Variants in DNAH9 observed in about 807,000 individuals in gnomAD.
DNAH9 encodes the protein dynein axonemal heavy chain 9, also known as DNAH9 variant protein.
Under a neutral mutation model 471.6 loss-of-function variants are expected in DNAH9, and 345 were observed. The observed-to-expected ratio is 0.73, with a 90% CI of 0.67 to 0.80. DNAH9 has a LOEUF of 0.80. Among genes scored for constraint, DNAH9 ranks in the 30% least tolerant of loss-of-function variants. The probability of loss-of-function intolerance (pLI) is 0.00; values close to 1 mark genes in which losing one functional copy is unlikely to be tolerated. For missense variants in DNAH9, 5,407 were observed against 5,609.2 expected, an observed-to-expected ratio of 0.96 and a Z score of 1.15; for synonymous variants, 2,093 against 2,123.6, an observed-to-expected ratio of 0.99 and a Z score of 0.40.
At chr17:11,881,897 C>T (rs1056150366) in intron 55 of DNAH9, among the ~76,000 whole-genome samples, 22 of 145,534 alleles carry the variant, frequency 1.5e-4, no homozygotes, top group African/African-American at 3.2e-4. Context: ...GGAAATAGGG[C>T]GAGGTTCTGT....
chr17:11,615,702 TG>T (rs2072727780), intron 4 of DNAH9, among the ~76,000 whole-genome samples: 1 of 152,160 alleles, frequency 6.6e-6, no homozygotes, highest in African/African-American at 2.4e-5. Context: ...TCTCAAGTAT[TG>T]TGCTCTTAAA....
chr17:11,883,441 T>C, intron 55 of DNAH9, 145 bp from the exon 56 acceptor site: 2 of 1,168,212 alleles, frequency 1.7e-6, no homozygotes, highest in Non-Finnish European at 2.4e-6. Flanking sequence ...ACTCCTTGTC[T>C]CCTGCTCATG....
rs545413200 is a variant in DNAH9, at chr17:11,961,887, C to T, written c.12864C>T (p.Ser4288=). The T allele has an allele frequency of 6.2e-7, 1 of 1,610,476 alleles. No individual in the cohort carries two copies. Among genetic ancestry groups the T allele is most frequent in the African/African-American group, 1.3e-5 (1 of 74,972 alleles). ...LGLKGELTMT[S]HMENLQNALY... Reference sequence around the variant, plus strand: ...TTCAGGGGGAGCTGACTATGACCAGCCACATGGAGAACTTACAGAATGCCC... The same window carrying T: ...TTCAGGGGGAGCTGACTATGACCAGTCACATGGAGAACTTACAGAATGCCC... Residue 4288 remains serine (S), a synonymous_variant, in exon 68 of 69, where the codon AGC becomes AGT. Transcript: ENST00000262442.
intron 67 of DNAH9, among the ~76,000 whole-genome samples, chr17:11,952,224 C>G (rs1389003106): frequency 1.4e-5 from 2 of 141,648 alleles, no homozygotes; most frequent in African/African-American, 5.2e-5. Context: ...ACTGCAACCT[C>G]TACCTTCTAG....
intron 42 of DNAH9, among the ~76,000 whole-genome samples, chr17:11,794,347 C>A (rs760660061): frequency 6.6e-6 from 1 of 152,184 alleles, no homozygotes; most frequent in Non-Finnish European, 1.5e-5. Flanking sequence ...CAGGCGTGAG[C>A]CACTGAGCCC....
chr17:11,834,074 ATTTC>A (rs1482606621), intron 48 of DNAH9, among the ~76,000 whole-genome samples: 1 of 152,130 alleles, frequency 6.6e-6, no homozygotes, highest in East Asian at 1.9e-4. Flanking sequence ...CATGCCTGTA[ATTTC>A]AACCCTTTGG....
In DNAH9 at chr17:11,769,336, A is replaced by G; in HGVS notation, c.7552+7A>G. Reference sequence around the variant, plus strand: ...ACGTCAGCAATGCTGCAGGGTAAGCAGCCCAGGGCACCTGGGGTGGGGGGC... The same window carrying G: ...ACGTCAGCAATGCTGCAGGGTAAGCGGCCCAGGGCACCTGGGGTGGGGGGC... On this transcript the variant is annotated splice_region_variant and intron_variant, in intron 38 of 68. Coordinates refer to ENST00000262442, the MANE Select transcript of DNAH9 (RefSeq NM_001372.4). 5 of 1,604,352 alleles carry G rather than the reference A, an allele frequency of 3.1e-6. No homozygotes were observed. The highest frequency in any genetic ancestry group is 4.3e-6 in the Non-Finnish European group (5 of 1,175,694).
In DNAH9 at chr17:11,932,279, C is replaced by T. The variant is rs550773787; in HGVS notation, c.12297+74C>T. ...AATTATTTAATTTTGAGGGGTGAAT[C>T]AGAGGGGTCTAGGATGGGGCCTGAG... On this transcript the variant is annotated intron_variant, in intron 64 of 68. Coordinates refer to ENST00000262442, the MANE Select transcript of DNAH9 (RefSeq NM_001372.4). The surrounding 1 kb of genome is among the most constrained non-coding windows in gnomAD (Gnocchi z 4.3). 1 of 1,480,674 alleles carries T rather than the reference C, an allele frequency of 6.8e-7. No individual in the cohort carries two copies. The highest frequency in any genetic ancestry group is 2.3e-5 in the East Asian group (1 of 43,082). The allele number at this position is 1,480,674 out of a possible 1,614,324, so 91.7% of individuals were successfully genotyped here. A position where few individuals can be genotyped will look rare whatever the true frequency, so the allele number is the denominator to read the frequency against.
At chr17:11,869,059 G>C (rs1972165401) in intron 50 of DNAH9, 75 bp from the exon 51 acceptor site, 2 of 1,550,422 alleles carry the variant, frequency 1.3e-6, no homozygotes, top group Non-Finnish European at 1.8e-6. Flanking sequence ...ACCTCCATGT[G>C]AACCCTCATC....
intron 26 of DNAH9, among the ~76,000 whole-genome samples, chr17:11,707,177 ACCT>A (rs1286942648): frequency 6.6e-6 from 1 of 151,918 alleles, no homozygotes; most frequent in African/African-American, 2.4e-5. Context: ...TGAACATTAA[ACCT>A]CCTCTTCCCC....
chr17:11,626,782 T>C lies in DNAH9; in HGVS notation c.1351-2635T>C, dbSNP rs2072977656. ...TATAATTCTCTTCTCTTGTCTATTTTTTTTCACCAACTGCTCTTCAGATGT... is the reference window on the plus strand; with the variant it reads ...TATAATTCTCTTCTCTTGTCTATTTCTTTTCACCAACTGCTCTTCAGATGT... On this transcript the variant is annotated intron_variant, in intron 6 of 68. Transcript: ENST00000262442. This position sits in a 1 kb window ranked among gnomAD's most constrained non-coding sequence, Gnocchi z 4.3. 6.6e-6 allele frequency among the ~76,000 whole-genome samples: 1 copy of C among 152,178 alleles called. No individual in the cohort carries two copies. Among genetic ancestry groups the C allele is most frequent in the Non-Finnish European group, 1.5e-5 (1 of 68,032 alleles).
chr17:11,642,136 G>A (rs1447193778), intron 10 of DNAH9, among the ~76,000 whole-genome samples: 1 of 152,150 alleles, frequency 6.6e-6, no homozygotes, highest in African/African-American at 2.4e-5. Flanking sequence ...GAAGCAGGAA[G>A]GTTTGGAGGT....
At position 11,962,049 on chromosome 17, in the gene DNAH9, C is replaced by T; in HGVS notation, c.13026C>T (p.Ser4342=). Reference sequence around the variant, plus strand: ...GGACGGGTGACTTTACAATGCCCTCCACTGTGTGGCTGACAGGCTTCTTCA... The same window carrying T: ...GGACGGGTGACTTTACAATGCCCTCTACTGTGTGGCTGACAGGCTTCTTCA... ...EAWTGDFTMP[S]TVWLTGFFNP... is the part of the protein sequence containing the mutation. Residue 4342 remains serine (S), a synonymous_variant, in exon 68 of 69, where the codon TCC becomes TCT. Coordinates refer to ENST00000262442, the MANE Select transcript of DNAH9 (RefSeq NM_001372.4). The surrounding 1 kb of genome is among the most constrained non-coding windows in gnomAD (Gnocchi z 4.1). 1 of 1,614,196 alleles carries T rather than the reference C, an allele frequency of 6.2e-7. No individual in the cohort carries two copies. Among genetic ancestry groups the T allele is most frequent in the Non-Finnish European group, 8.5e-7 (1 of 1,180,046 alleles).
intron 41 of DNAH9, 66 bp downstream of exon 41, chr17:11,784,605 A>T: frequency 1.2e-6 from 2 of 1,605,278 alleles, no homozygotes; most frequent in South Asian, 2.2e-5. Context: ...GATTCTTCAT[A>T]AAAATAAGTA....
Position 11,905,827 on chromosome 17 carries a change from T to G in DNAH9, c.11749+18T>G. On this transcript the variant is annotated intron_variant, in intron 61 of 68. Coordinates refer to ENST00000262442, the MANE Select transcript of DNAH9 (RefSeq NM_001372.4). ...AAGTCAAGGTGAGAAAGGCGTCCTC[T>G]TGGAGCCAGGGCTGCATTTGCCCCA... The G allele has an allele frequency of 6.3e-7, 1 of 1,593,718 alleles. No individual in the cohort carries two copies. Among genetic ancestry groups the G allele is most frequent in the Non-Finnish European group, 8.6e-7 (1 of 1,167,738 alleles).
At chr17:11,674,065 T>C (rs1355695743) in intron 17 of DNAH9, among the ~76,000 whole-genome samples, 2 of 152,250 alleles carry the variant, frequency 1.3e-5, no homozygotes, top group Admixed American at 1.3e-4. Context: ...TTCCCTGTCG[T>C]ACAGTATTCC....
intron 50 of DNAH9, among the ~76,000 whole-genome samples, chr17:11,867,453 T>A (rs1438601795): frequency 7.7e-6 from 1 of 129,088 alleles, no homozygotes; most frequent in Non-Finnish European, 1.7e-5. Flanking sequence ...ACAATAGTGA[T>A]TTCCACAAGA....
chr17:11,854,510 G>A (rs539314755), intron 50 of DNAH9, 82 bp downstream of exon 50: 84 of 1,438,588 alleles, frequency 5.8e-5, no homozygotes, highest in South Asian at 2.0e-4. Flanking sequence ...AACACCTAAC[G>A]TTACGGTTTT....
chr17:11,678,097 C>T (rs1457430603), intron 17 of DNAH9, among the ~76,000 whole-genome samples: 1 of 151,794 alleles, frequency 6.6e-6, no homozygotes. Flanking sequence ...GCTCTGTCGC[C>T]CAGGCTGGAG....
Sources: gnomAD v4.1 joint callset for allele counts (sites outside exome capture counted in the v4.1 genomes callset) on GRCh38, gnomAD v4.1.1 for gene constraint, Gnocchi (gnomAD v3.1) non-coding constraint, MANE v1.5 for transcripts, NCBI Gene and HGNC (gene_info 2026-07-23, HGNC 2026-07-21) for gene names.